JPH1: variants seen among roughly 807,000 people sequenced by gnomAD.
JPH1 encodes the protein junctophilin-1.
JPH1 carries 12 observed loss-of-function variants against 53.6 expected under a neutral mutation model. The observed-to-expected ratio is 0.22, with a 90% confidence interval of 0.14 to 0.36. The LOEUF (loss-of-function observed/expected upper bound fraction) is 0.36. JPH1 is among the 10% of genes least tolerant of loss of function. JPH1 has a pLI of 1.00. For missense variants in JPH1, 808 were observed against 905.5 expected (o/e 0.89, Z 1.38); for synonymous variants, 375 against 363.8 (o/e 1.03, Z -0.35).
chr8:74,266,747 G>A (rs946495849), intron 2 of JPH1, among the ~76,000 whole-genome samples: 1 of 152,128 alleles, frequency 6.6e-6, no homozygotes, highest in Non-Finnish European at 1.5e-5. Flanking sequence ...TATTTACAGA[G>A]CATCTTATAT....
intron 4 of JPH1, among the ~76,000 whole-genome samples, chr8:74,241,081 C>G (rs959569516): frequency 1.3e-5 from 2 of 152,122 alleles, no homozygotes; most frequent in Non-Finnish European, 2.9e-5. Context: ...CATACACACA[C>G]ACACATATTT....
chr8:74,305,740 A>G (rs372341211), intron 2 of JPH1, among the ~76,000 whole-genome samples: 1 of 152,134 alleles, frequency 6.6e-6, no homozygotes, highest in Admixed American at 6.5e-5. Flanking sequence ...TTCATACCCT[A>G]TACAGTCTCT....
At chr8:74,252,198 A>G (rs1262117959) in intron 3 of JPH1, among the ~76,000 whole-genome samples, 1 of 152,218 alleles carries the variant, frequency 6.6e-6, no homozygotes, top group African/African-American at 2.4e-5. Context: ...CTTACATGTT[A>G]GACCTAAAAC....
intron 2 of JPH1, among the ~76,000 whole-genome samples, chr8:74,281,051 TTCTG>T (rs1165482911): frequency 2.0e-5 from 3 of 152,194 alleles, no homozygotes; most frequent in Non-Finnish European, 2.9e-5. Flanking sequence ...CTCCGCGTGG[TTCTG>T]TCTTTCACCT....
At chr8:74,313,708 G>T (rs1586777477) in intron 2 of JPH1, among the ~76,000 whole-genome samples, 1 of 151,946 alleles carries the variant, frequency 6.6e-6, no homozygotes, top group East Asian at 1.9e-4. Flanking sequence ...AAAACCTGAA[G>T]ACATGCTAAC....
At chr8:74,261,952 T>C (rs184286806) in intron 2 of JPH1, among the ~76,000 whole-genome samples, 2 of 152,334 alleles carry the variant, frequency 1.3e-5, no homozygotes, top group East Asian at 3.9e-4. Context: ...AACTAGAGAA[T>C]AGACAAATAC....
chr8:74,307,356 A>T (rs6982446), intron 2 of JPH1, among the ~76,000 whole-genome samples: 9,501 of 152,236 alleles, frequency 0.062, 1,011 homozygotes, highest in African/African-American at 0.22. Context: ...CCCTGCTATG[A>T]AGGGTAAGGT....
intron 2 of JPH1, among the ~76,000 whole-genome samples, chr8:74,302,899 G>A (rs1192834437): frequency 1.3e-5 from 2 of 149,070 alleles, no homozygotes; most frequent in Non-Finnish European, 3.0e-5. Flanking sequence ...GCCAAATGAT[G>A]TTTCTTTAGC....
At chr8:74,308,197 G>T (rs987436556) in intron 2 of JPH1, among the ~76,000 whole-genome samples, 1 of 152,200 alleles carries the variant, frequency 6.6e-6, no homozygotes, top group African/African-American at 2.4e-5. Context: ...TCACAGTTAG[G>T]ATAAGCTGAC....
chr8:74,298,210 G>T (rs955746137), intron 2 of JPH1, among the ~76,000 whole-genome samples: 1 of 152,202 alleles, frequency 6.6e-6, no homozygotes. Context: ...CCACACATCA[G>T]ATTCACTATC....
chr8:74,311,063 C>A (rs1268670134), intron 2 of JPH1, among the ~76,000 whole-genome samples: 1 of 152,176 alleles, frequency 6.6e-6, no homozygotes, highest in Non-Finnish European at 1.5e-5. Flanking sequence ...GTAGCTGGGA[C>A]TACAGGCGTA....
chr8:74,254,126 C>T lies in JPH1; in HGVS notation c.1258+5259G>A, dbSNP rs1330694776. ...TTTAGACCAATATCCTTGATGAACA[C>T]TGATGCAAAAATCCTCAATAAAATA... On this transcript the variant is annotated intron_variant, in intron 3 of 5. Transcript: ENST00000342232. Among the ~76,000 whole-genome samples the T allele has an allele frequency of 3.0e-4, 46 of 152,116 alleles. 1 individual carries two copies. The highest frequency in any genetic ancestry group is 1.0e-3 in the African/African-American group (42 of 41,464).
intron 2 of JPH1, among the ~76,000 whole-genome samples, chr8:74,297,823 C>G (rs368072632): frequency 6.6e-6 from 1 of 152,154 alleles, no homozygotes; most frequent in Non-Finnish European, 1.5e-5. Flanking sequence ...GTGTGGCTAT[C>G]TAGATAGTGT....
chr8:74,293,007 G>A (rs1436795694), intron 2 of JPH1, among the ~76,000 whole-genome samples: 4 of 152,190 alleles, frequency 2.6e-5, no homozygotes, highest in African/African-American at 9.7e-5. Context: ...CCCTAGAGCA[G>A]CCTTTGGGAA....
intron 2 of JPH1, among the ~76,000 whole-genome samples, chr8:74,305,036 A>C (rs1807792940): frequency 6.6e-6 from 1 of 152,268 alleles, no homozygotes; most frequent in African/African-American, 2.4e-5. Flanking sequence ...TTAAAAGCTG[A>C]TTTGACTTTA....
chr8:74,271,820 A>G (rs1199105072), intron 2 of JPH1, among the ~76,000 whole-genome samples: 1 of 152,162 alleles, frequency 6.6e-6, no homozygotes, highest in Non-Finnish European at 1.5e-5. Flanking sequence ...CTGTCAGGGC[A>G]AGGAGGGGCC....
At position 74,288,555 on chromosome 8, in the gene JPH1, T is replaced by C. The variant is rs143157977; in HGVS notation, c.1139+26306A>G. Among the ~76,000 whole-genome samples the C allele has an allele frequency of 8.0e-4, 121 of 151,864 alleles. No homozygotes were observed. In the East Asian group the frequency reaches 0.022, roughly 27 times the overall value. ...GTAAGAAAATGGGGTTGGGCAGGAATGGCAAATGTGGGCAGAAGACAAGAA... is the reference window on the plus strand; with the variant it reads ...GTAAGAAAATGGGGTTGGGCAGGAACGGCAAATGTGGGCAGAAGACAAGAA... On this transcript the variant is annotated intron_variant, in intron 2 of 5. Coordinates refer to ENST00000342232, the MANE Select transcript of JPH1 (RefSeq NM_020647.4).
intron 2 of JPH1, among the ~76,000 whole-genome samples, chr8:74,287,190 G>A (rs977779700): frequency 6.6e-6 from 1 of 152,166 alleles, no homozygotes; most frequent in Non-Finnish European, 1.5e-5. Context: ...CCAGCACTTT[G>A]GGAGGCTGAG....
At chr8:74,291,598 A>G (rs1332434936) in intron 2 of JPH1, among the ~76,000 whole-genome samples, 1 of 152,202 alleles carries the variant, frequency 6.6e-6, no homozygotes, top group Non-Finnish European at 1.5e-5. Flanking sequence ...AACTAGAAAT[A>G]CCATTTGACC....
Sources: allele counts gnomAD v4.1 joint callset (sites outside exome capture counted in the v4.1 genomes callset), GRCh38; gene constraint gnomAD v4.1.1; transcripts MANE v1.5; gene names NCBI Gene and HGNC (gene_info 2026-07-23, HGNC 2026-07-21).